The following CRYGB variants were observed in gnomAD, a reference collection of about 807,000 sequenced individuals.
CRYGB encodes crystallin gamma B.
Under a neutral mutation model 21.3 loss-of-function variants are expected in CRYGB, and 19 were observed. The ratio of observed to expected loss-of-function variants is 0.89; its 90% CI spans 0.62 to 1.31. The LOEUF (loss-of-function observed/expected upper bound fraction) is 1.31. Ranked by LOEUF, CRYGB falls within the 50% of genes most tolerant of loss-of-function variation. The pLI, the probability that CRYGB is intolerant of heterozygous loss-of-function variation, is 0.00. For synonymous variants in CRYGB, 81 were observed against 81.2 expected (o/e 1.00, Z 0.01); for missense variants, 254 against 228.4 (o/e 1.11, Z -0.72).
At chr2:208,145,367 C>A (rs868211418) in intron 2 of CRYGB, among the ~76,000 whole-genome samples, 1 of 151,868 alleles carries the variant, frequency 6.6e-6, no homozygotes, top group Non-Finnish European at 1.5e-5. Flanking sequence ...CTGCCCCAGC[C>A]GCCCGAGTAG....
intron 2 of CRYGB, 22 bp from the exon 3 acceptor site, chr2:208,142,935 G>T (rs75525637): frequency 1.9e-6 from 3 of 1,565,678 alleles, no homozygotes; most frequent in African/African-American, 2.7e-5. Flanking sequence ...GACAGAAAAC[G>T]CAAGAGTAAA....
At position 208,142,876 on chromosome 2, in the gene CRYGB, T is replaced by C. The variant is rs1304102550; in HGVS notation, c.290A>G (p.Asp97Gly). 9.3e-6 allele frequency: 15 copies of C among 1,612,898 alleles called. No homozygotes were observed. The highest frequency in any genetic ancestry group is 1.3e-5 in the Non-Finnish European group (15 of 1,179,512). The change falls in exon 3 of 3, where the codon GAT (aspartate) becomes GGT (glycine). Residue 97 changes from aspartate (D) to glycine (G), a missense_variant. By Grantham distance (94) the Asp-to-Gly change is moderately conservative (BLOSUM62 -1). Transcript: ENST00000260988. ...GAYRMKIYDR[D>G]ELRGQMSELT... ...CTCTGACATTTGTCCCCTCAATTCA[T>C]CTCTGTCGTAGATCTTCATTCTGTA...
Position 208,146,135 on chromosome 2 carries a change from G to A in CRYGB, c.-15C>T, listed in dbSNP as rs1695468307. The A allele has an allele frequency of 1.9e-6, 3 of 1,613,888 alleles. No homozygotes were observed. Among genetic ancestry groups the A allele is most frequent in the African/African-American group, 1.3e-5 (1 of 74,928 alleles). On this transcript the variant is annotated 5_prime_UTR_variant, in exon 1 of 3. Coordinates refer to ENST00000260988, the MANE Select transcript of CRYGB (RefSeq NM_005210.4). ...ACCTTTCCCATTTTGAAGGAAGTGA[G>A]CAGATGTTTTCTGGTTGCTGTGTGG...
chr2:208,143,816 T>C (rs1216065056), intron 2 of CRYGB, among the ~76,000 whole-genome samples: 1 of 151,980 alleles, frequency 6.6e-6, no homozygotes, highest in East Asian at 1.9e-4. Flanking sequence ...CTGTTTCTTA[T>C]CCATGTCTAA....
intron 2 of CRYGB, 33 bp from the exon 3 acceptor site, chr2:208,142,946 C>G: frequency 6.5e-7 from 1 of 1,547,672 alleles, no homozygotes; most frequent in Non-Finnish European, 8.7e-7. Flanking sequence ...CAAGAGTAAA[C>G]AAACAAAAAC....
At chr2:208,144,630 A>T (rs1695423005) in intron 2 of CRYGB, among the ~76,000 whole-genome samples, 2 of 143,936 alleles carry the variant, frequency 1.4e-5, no homozygotes, top group Admixed American at 1.4e-4. Context: ...TTGCTCTGTC[A>T]CCCAGACTGG....
In CRYGB at chr2:208,142,872, T is replaced by C; in HGVS notation, c.294A>G (p.Glu98=). 1.2e-6 allele frequency: 2 copies of C among 1,613,234 alleles called. No individual in the cohort carries two copies. Among genetic ancestry groups the C allele is most frequent in the Non-Finnish European group, 1.7e-6 (2 of 1,179,662 alleles). Residue 98 remains glutamate, a synonymous_variant, in exon 3 of 3, where the codon GAA becomes GAG. Coordinates refer to ENST00000260988, the MANE Select transcript of CRYGB (RefSeq NM_005210.4). ...TGAGCTCTGACATTTGTCCCCTCAATTCATCTCTGTCGTAGATCTTCATTC... is the reference window on the plus strand; with the variant it reads ...TGAGCTCTGACATTTGTCCCCTCAACTCATCTCTGTCGTAGATCTTCATTC... ...AYRMKIYDRD[E]LRGQMSELTD...
At chr2:208,145,525 C>T (rs1223088068) in intron 2 of CRYGB, among the ~76,000 whole-genome samples, 3 of 151,632 alleles carry the variant, frequency 2.0e-5, no homozygotes, top group African/African-American at 4.8e-5. Context: ...CTCGTCTCTA[C>T]TATGAATACA....
intron 2 of CRYGB, among the ~76,000 whole-genome samples, chr2:208,144,298 G>A (rs1340038692): frequency 6.6e-6 from 1 of 152,206 alleles, no homozygotes; most frequent in Admixed American, 6.5e-5. Flanking sequence ...TTACAGGCAT[G>A]AGCCACTGTG....
Position 208,142,866 on chromosome 2 carries a change from C to T in CRYGB, c.300G>A (p.Arg100=). The T allele has an allele frequency of 6.2e-7, 1 of 1,613,424 alleles. No homozygotes were observed. The highest frequency in any genetic ancestry group is 8.5e-7 in the Non-Finnish European group (1 of 1,179,736). Residue 100 remains arginine, a synonymous_variant, in exon 3 of 3, where the codon AGG becomes AGA. Coordinates refer to ENST00000260988, the MANE Select transcript of CRYGB (RefSeq NM_005210.4). The part of the protein sequence containing the change: ...RMKIYDRDEL[R]GQMSELTDDC... ...CGTCTGTGAGCTCTGACATTTGTCCCCTCAATTCATCTCTGTCGTAGATCT... is the reference window on the plus strand; with the variant it reads ...CGTCTGTGAGCTCTGACATTTGTCCTCTCAATTCATCTCTGTCGTAGATCT...
rs114877633 is a variant in CRYGB, at chr2:208,145,371, C to T, written c.252+403G>A. On this transcript the variant is annotated intron_variant, in intron 2 of 2. Transcript: ENST00000260988. ...AAGCAATTCTCCTGCCCCAGCCGCC[C>T]GAGTAGCTGGGATTTAAGAATAATG... Among the ~76,000 whole-genome samples, 1,061 of 151,858 alleles carry T rather than the reference C, an allele frequency of 7.0e-3. 12 individuals are homozygous for T. Among genetic ancestry groups the T allele is most frequent in the African/African-American group, 0.024 (1,008 of 41,412 alleles).
At chr2:208,142,979 C>G (rs1695383422) in intron 2 of CRYGB, 66 bp from the exon 3 acceptor site, 1 of 1,501,442 alleles carries the variant, frequency 6.7e-7, no homozygotes, top group East Asian at 2.3e-5. Context: ...AAGCTCCAGT[C>G]CCTACACCTC....
intron 2 of CRYGB, 107 bp downstream of exon 2, chr2:208,145,667 G>A: frequency 6.8e-7 from 1 of 1,463,020 alleles, no homozygotes; most frequent in Non-Finnish European, 9.0e-7. Flanking sequence ...CCACCCTGGG[G>A]GACAGAGCGA....
In CRYGB at chr2:208,145,999, G is replaced by C. The variant is rs755445386; in HGVS notation, c.27C>G (p.Asp9Glu). MGKITFYE[D>E]RAFQGRSYEC... ...CGTAGCTGCGGCCCTGGAAGGCCCT[G>C]TCCTCGTAGAAGGTGATCTGAAAAA... Residue 9 changes from aspartate to glutamate, a missense_variant, in exon 2 of 3, where the codon GAC becomes GAG. Transcript: ENST00000260988. 1 of 1,614,216 alleles carries C rather than the reference G, an allele frequency of 6.2e-7. No individual in the cohort carries two copies. Among genetic ancestry groups the C allele is most frequent in the Non-Finnish European group, 8.5e-7 (1 of 1,180,050 alleles).
chr2:208,144,599 T>C (rs1477243467), intron 2 of CRYGB, among the ~76,000 whole-genome samples: 1 of 151,366 alleles, frequency 6.6e-6, no homozygotes, highest in East Asian at 1.9e-4. Context: ...TTTCTTTTTT[T>C]TTTTTTTTTG....
At chr2:208,145,612 C>T (rs1462326591) in intron 2 of CRYGB, among the ~76,000 whole-genome samples, 162 bp downstream of exon 2, 2 of 149,404 alleles carry the variant, frequency 1.3e-5, no homozygotes, top group Non-Finnish European at 3.0e-5. Flanking sequence ...TTGCTTGAAC[C>T]CGGGAGGCGG....
chr2:208,146,147 T>G lies in CRYGB; in HGVS notation c.-27A>C. ...TTGAAGGAAGTGAGCAGATGTTTTCTGGTTGCTGTGTGGGACTGCGGGAAC... is the reference window on the plus strand; with the variant it reads ...TTGAAGGAAGTGAGCAGATGTTTTCGGGTTGCTGTGTGGGACTGCGGGAAC... On this transcript the variant is annotated 5_prime_UTR_variant, in exon 1 of 3. Transcript: ENST00000260988. 1.2e-6 allele frequency: 2 copies of G among 1,613,764 alleles called. No homozygotes were observed. Among genetic ancestry groups the G allele is most frequent in the South Asian group, 2.2e-5 (2 of 91,076 alleles).
Position 208,145,867 on chromosome 2 carries a change from G to T in CRYGB, c.159C>A (p.Gly53=). The T allele has an allele frequency of 6.2e-7, 1 of 1,614,120 alleles. No homozygotes were observed. Among genetic ancestry groups the T allele is most frequent in the East Asian group, 2.2e-5 (1 of 44,858 alleles). The change falls in exon 2 of 3, where the codon GGC becomes GGA. Residue 53 remains glycine, a synonymous_variant. Coordinates refer to ENST00000260988, the MANE Select transcript of CRYGB (RefSeq NM_005210.4). The part of the protein sequence containing the change: ...WMIYERPNYQ[G]HQYFLRRGEY... ...CCCCACGCCGCAGGAAGTACTGGTG[G>T]CCCTGGTAGTTGGGGCGCTCATAGA...
Position 208,145,974 on chromosome 2 carries a change from C to T in CRYGB, c.52G>A (p.Glu18Lys), listed in dbSNP as rs761343235. 10 of 1,614,014 alleles carry T rather than the reference C, an allele frequency of 6.2e-6. No individual in the cohort carries two copies. Among genetic ancestry groups the T allele is most frequent in the Middle Eastern group, 1.6e-4 (1 of 6,084 alleles). Residue 18 changes from glutamate to lysine, a missense_variant, in exon 2 of 3, where the codon GAA becomes AAA. By Grantham distance (56) the Glu-to-Lys change is moderately conservative (BLOSUM62 1). Transcript: ENST00000260988. ...EDRAFQGRSYECTTDCPNLQP... is the reference protein window; with the variant it reads ...EDRAFQGRSYKCTTDCPNLQP... ...AGGTTGGGGCAGTCAGTGGTGCATTCGTAGCTGCGGCCCTGGAAGGCCCTG... is the reference window on the plus strand; with the variant it reads ...AGGTTGGGGCAGTCAGTGGTGCATTTGTAGCTGCGGCCCTGGAAGGCCCTG...
Sources: gnomAD v4.1 joint callset for allele counts (sites outside exome capture counted in the v4.1 genomes callset) on GRCh38, gnomAD v4.1.1 for gene constraint, MANE v1.5 for transcripts, NCBI Gene and HGNC (gene_info 2026-07-23, HGNC 2026-07-21) for gene names.